CDH12: variants seen among roughly 807,000 people sequenced by gnomAD.
CDH12 encodes cadherin-12.
A neutral mutation model predicts 74.1 loss-of-function variants in CDH12; 41 were observed. The observed-to-expected ratio is 0.55, with a 90% CI of 0.43 to 0.72. CDH12 has a LOEUF of 0.72. CDH12 is among the 30% of genes least tolerant of loss of function. The pLI is 0.00. For synonymous variants in CDH12, 399 were observed against 355.0 expected (o/e 1.12, Z -1.39); for missense variants, 945 against 977.2 (o/e 0.97, Z 0.44).
chr5:22,127,351 C>A (rs1745931590), intron 4 of CDH12, among the ~76,000 whole-genome samples: 1 of 151,988 alleles, frequency 6.6e-6, no homozygotes, highest in Admixed American at 6.6e-5. Context: ...TTGGCTCATG[C>A]CTGTCATCCC....
chr5:22,452,890 A>AT (rs1181234621), intron 2 of CDH12, among the ~76,000 whole-genome samples: 13 of 147,144 alleles, frequency 8.8e-5, no homozygotes, highest in East Asian at 2.0e-4. Context: ...CAAAAAAAAA[A>AT]AAAAAAAAAA....
chr5:21,875,795 A>G (rs1456533080), intron 6 of CDH12, among the ~76,000 whole-genome samples: 2 of 152,162 alleles, frequency 1.3e-5, no homozygotes, highest in Non-Finnish European at 2.9e-5. Context: ...TCTGGACTCA[A>G]AACTTCATTC....
intron 4 of CDH12, among the ~76,000 whole-genome samples, chr5:22,131,271 A>C (rs1746163888): frequency 6.6e-6 from 1 of 152,004 alleles, no homozygotes; most frequent in Non-Finnish European, 1.5e-5. Context: ...TTGGCTACCA[A>C]TTGTAGATGA....
At chr5:22,105,693 G>A (rs973118808) in intron 4 of CDH12, among the ~76,000 whole-genome samples, 1 of 149,046 alleles carries the variant, frequency 6.7e-6, no homozygotes, top group Admixed American at 6.7e-5. Context: ...GCAATATTCT[G>A]TTAAAAAATA....
intron 5 of CDH12, among the ~76,000 whole-genome samples, chr5:22,031,359 AAGAG>A (rs933645542): frequency 5.3e-5 from 8 of 152,184 alleles, no homozygotes; most frequent in African/African-American, 1.7e-4. Context: ...ATAAAATAAA[AAGAG>A]AGAGAATGTT....
intron 1 of CDH12, among the ~76,000 whole-genome samples, chr5:22,712,804 T>G (rs1369920954): frequency 6.6e-6 from 1 of 152,304 alleles, no homozygotes; most frequent in East Asian, 1.9e-4. Context: ...AAAGAAGCTC[T>G]GGCTCTCCAG....
chr5:21,817,485 G>T (rs1748123703), intron 8 of CDH12, among the ~76,000 whole-genome samples: 1 of 151,820 alleles, frequency 6.6e-6, no homozygotes, highest in Non-Finnish European at 1.5e-5. Context: ...TAATAATACA[G>T]GTTGCAAGAC....
At chr5:22,311,637 A>C (rs1033015686) in intron 3 of CDH12, among the ~76,000 whole-genome samples, 2 of 150,796 alleles carry the variant, frequency 1.3e-5, no homozygotes, top group Non-Finnish European at 2.9e-5. Flanking sequence ...TGGGAGGCAG[A>C]AGTTTTAGTG....
At chr5:22,535,142 T>TC (rs1491423142) in intron 1 of CDH12, among the ~76,000 whole-genome samples, 2 of 136,866 alleles carry the variant, frequency 1.5e-5, no homozygotes, top group Non-Finnish European at 3.1e-5. Flanking sequence ...TGGCTAATTT[T>TC]CTTTTTTTTT....
intron 1 of CDH12, among the ~76,000 whole-genome samples, chr5:22,623,091 C>T (rs891582694): frequency 3.9e-5 from 6 of 152,154 alleles, no homozygotes; most frequent in Non-Finnish European, 5.9e-5. Flanking sequence ...TCAATAGATG[C>T]AGAAAAGGCC....
intron 1 of CDH12, among the ~76,000 whole-genome samples, chr5:22,555,558 T>A (rs1011585091): frequency 6.6e-6 from 1 of 151,868 alleles, no homozygotes; most frequent in African/African-American, 2.4e-5. Flanking sequence ...CTTTGAAAAA[T>A]TTTTTAGAAT....
At chr5:21,971,240 C>T (rs1160555721) in intron 6 of CDH12, among the ~76,000 whole-genome samples, 1 of 152,006 alleles carries the variant, frequency 6.6e-6, no homozygotes, top group East Asian at 1.9e-4. Flanking sequence ...ATTTTAGCCG[C>T]ATGACACCTA....
At chr5:22,502,599 T>C (rs971656921) in intron 2 of CDH12, among the ~76,000 whole-genome samples, 5 of 151,916 alleles carry the variant, frequency 3.3e-5, no homozygotes, top group African/African-American at 1.2e-4. Context: ...AGATCTGATA[T>C]ATATATAATC....
rs578232789 is a variant in CDH12, at chr5:21,879,504, T to C, written c.527-24714A>G. Among the ~76,000 whole-genome samples, 551 of 152,324 alleles carry C rather than the reference T, an allele frequency of 3.6e-3. 3 individuals are homozygous for C. Among genetic ancestry groups the C allele is most frequent in the Non-Finnish European group, 6.6e-3 (446 of 68,026 alleles). ...AAAGTGTGTATTTGATGACAAAAGT[T>C]GAATTAACTATACTATTATCTCTAA... On this transcript the variant is annotated intron_variant, in intron 6 of 14. Coordinates refer to ENST00000382254, the MANE Select transcript of CDH12 (RefSeq NM_004061.5).
At chr5:22,011,785 G>T (rs1479840535) in intron 5 of CDH12, among the ~76,000 whole-genome samples, 3 of 152,072 alleles carry the variant, frequency 2.0e-5, no homozygotes, top group Non-Finnish European at 2.9e-5. Flanking sequence ...ATGCAAAAAA[G>T]ATTAATATTC....
chr5:22,122,196 A>T (rs1745556236), intron 4 of CDH12, among the ~76,000 whole-genome samples: 1 of 152,106 alleles, frequency 6.6e-6, no homozygotes, highest in Non-Finnish European at 1.5e-5. Context: ...TGAGGTCAGG[A>T]TTTCAAGACC....
At chr5:21,848,113 C>T (rs1750275126) in intron 7 of CDH12, among the ~76,000 whole-genome samples, 1 of 152,032 alleles carries the variant, frequency 6.6e-6, no homozygotes, top group East Asian at 1.9e-4. Context: ...TTGTAATCTT[C>T]ATCATTATTG....
At position 22,698,719 on chromosome 5, in the gene CDH12, ATATATATATATATATAGT is replaced by A. The variant is rs1171210276; in HGVS notation, c.-523+154321_-523+154338del. ...TATATATATATATATATATATATATATATATATATATATATAGTGTGTGTGTGTGTGTGTGTGTGTGTG... is the reference window on the plus strand; with the variant it reads ...TATATATATATATATATATATATATAGTGTGTGTGTGTGTGTGTGTGTGTG... On this transcript the variant is annotated intron_variant, in intron 1 of 14. Coordinates refer to ENST00000382254, the MANE Select transcript of CDH12 (RefSeq NM_004061.5). Among the ~76,000 whole-genome samples, 151 of 23,222 alleles carry A rather than the reference ATATATATATATATATAGT, an allele frequency of 6.5e-3. 8 individuals are homozygous for A. The highest frequency in any genetic ancestry group is 9.5e-3 in the Non-Finnish European group (127 of 13,430). 15.2% of individuals were successfully genotyped at this position (23,222 alleles called of 152,430 possible).
chr5:22,343,697 C>G (rs913495495), intron 3 of CDH12, among the ~76,000 whole-genome samples: 5 of 152,116 alleles, frequency 3.3e-5, no homozygotes, highest in Non-Finnish European at 5.9e-5. Flanking sequence ...GGATTACAGG[C>G]GTGAGAAGTT....
Sources: allele counts gnomAD v4.1 joint callset (sites outside exome capture counted in the v4.1 genomes callset), GRCh38; gene constraint gnomAD v4.1.1; transcripts MANE v1.5; gene names NCBI Gene and HGNC (gene_info 2026-07-23, HGNC 2026-07-21).